The following AXDND1 variants were observed in gnomAD, a reference collection of about 807,000 sequenced individuals.
AXDND1 encodes axonemal dynein light chain domain-containing protein 1.
AXDND1 carries 110 observed loss-of-function variants against 137.5 expected under a neutral mutation model. That is an observed-to-expected ratio of 0.80 (90% CI 0.69 to 0.94). AXDND1 has a LOEUF of 0.94. Ranked by LOEUF, AXDND1 falls within the 40% of genes least tolerant of loss-of-function variation. AXDND1 has a pLI of 0.00. For missense variants in AXDND1, 1,191 were observed against 1,169.8 expected, an observed-to-expected ratio of 1.02 and a Z score of -0.26; for synonymous variants, 414 against 399.7, an observed-to-expected ratio of 1.04 and a Z score of -0.43.
intron 11 of AXDND1, among the ~76,000 whole-genome samples, chr1:179,395,660 A>C (rs977134829): frequency 6.6e-6 from 1 of 152,198 alleles, no homozygotes; most frequent in Non-Finnish European, 1.5e-5. Flanking sequence ...AGCACTTAGA[A>C]TGGTGCTTGG....
chr1:179,457,236 T>A, intron 16 of AXDND1: 4 of 718,086 alleles, frequency 5.6e-6, no homozygotes, highest in Non-Finnish European at 1.0e-5. Context: ...TTGCTCAAAA[T>A]GGCTTCTCAG....
intron 2 of AXDND1, 62 bp downstream of exon 2, chr1:179,366,668 A>C: frequency 9.3e-6 from 13 of 1,401,650 alleles, no homozygotes; most frequent in Non-Finnish European, 1.2e-5. Context: ...ATCACCTTCC[A>C]TTCACCGGTT....
At chr1:179,450,682 G>C (rs918132331) in intron 16 of AXDND1, 4 of 152,070 alleles carry the variant, frequency 2.6e-5, no homozygotes, top group Admixed American at 6.5e-5. Context: ...ATCCTACTTC[G>C]GGCTGGGAGT....
At chr1:179,478,934 C>G (rs1664973394) in intron 17 of AXDND1, among the ~76,000 whole-genome samples, 1 of 151,546 alleles carries the variant, frequency 6.6e-6, no homozygotes, top group Non-Finnish European at 1.5e-5. Flanking sequence ...AACTCAATCT[C>G]TACTAAAAAT....
At chr1:179,416,350 G>T (rs1654706470) in intron 12 of AXDND1, among the ~76,000 whole-genome samples, 1 of 152,136 alleles carries the variant, frequency 6.6e-6, no homozygotes, top group African/African-American at 2.4e-5. Context: ...GGGCACTTAG[G>T]TTGATTGCAT....
At chr1:179,447,446 T>C in intron 16 of AXDND1, 2 of 415,812 alleles carry the variant, frequency 4.8e-6, no homozygotes, top group Admixed American at 4.0e-5. Context: ...TTTAAGATAG[T>C]GTTGTCCCTT....
At position 179,533,867 on chromosome 1, in the gene AXDND1, G is replaced by A. The variant is rs1309280709; in HGVS notation, c.2788G>A (p.Glu930Lys). The change falls in exon 24 of 26, where the codon GAG (glutamate) becomes AAG (lysine). Residue 930 changes from glutamate to lysine, a missense_variant. Physicochemically the swap from Glu to Lys is moderately conservative, Grantham distance 56. Coordinates refer to ENST00000367618, the MANE Select transcript of AXDND1 (RefSeq NM_144696.6). Reference protein sequence around the residue: ...EAMAVIEHMQEKLLEVENRAR... With the variant: ...EAMAVIEHMQKKLLEVENRAR... ...AATGGCTGTAATTGAACATATGCAG[G>A]AGAAGTTACTGTAAGTATGAGTCAA... 4 of 1,612,668 alleles carry A rather than the reference G, an allele frequency of 2.5e-6. No homozygotes were observed. Among genetic ancestry groups the A allele is most frequent in the Admixed American group, 1.7e-5 (1 of 59,980 alleles).
intron 9 of AXDND1, among the ~76,000 whole-genome samples, chr1:179,393,558 G>A (rs189783624): frequency 6.6e-6 from 1 of 152,072 alleles, no homozygotes; most frequent in Non-Finnish European, 1.5e-5. Flanking sequence ...ATTGAGTTTG[G>A]CAGTATGGTC....
intron 18 of AXDND1, among the ~76,000 whole-genome samples, chr1:179,488,016 G>GAA (rs1666281479): frequency 4.2e-5 from 4 of 94,710 alleles, no homozygotes; most frequent in Non-Finnish European, 6.7e-5. Context: ...AAAAAAAAAA[G>GAA]AGAAATTTCA....
At position 179,486,139 on chromosome 1, in the gene AXDND1, A is replaced by ACAAAAAACAAAAAACT. The variant is rs1553291079; in HGVS notation, c.2091+2918_2091+2919insCAAAAAACAAAAAACT. On this transcript the variant is annotated intron_variant, in intron 18 of 25. Coordinates refer to ENST00000367618, the MANE Select transcript of AXDND1 (RefSeq NM_144696.6). ...TGTCTCAAAAAAAAAAAAAAAAAAA[A>ACAAAAAACAAAAAACT]AACCTGATAGAAATGAAAAACACAC... Among the ~76,000 whole-genome samples, 18 of 87,770 alleles carry ACAAAAAACAAAAAACT rather than the reference A, an allele frequency of 2.1e-4. 1 individual carries two copies. Among genetic ancestry groups the ACAAAAAACAAAAAACT allele is most frequent in the Non-Finnish European group, 3.0e-4 (13 of 43,310 alleles). The allele number at this position is 87,770 out of a possible 152,430, so 57.6% of individuals were successfully genotyped here. A position where few individuals can be genotyped will look rare whatever the true frequency, so the allele number is the denominator to read the frequency against.
chr1:179,497,404 C>T (rs985141549), intron 20 of AXDND1, among the ~76,000 whole-genome samples: 5 of 152,042 alleles, frequency 3.3e-5, no homozygotes, highest in Admixed American at 6.6e-5. Context: ...AAATTACTCT[C>T]TTAACACTGC....
chr1:179,516,363 C>CG (rs1485663644), intron 21 of AXDND1, among the ~76,000 whole-genome samples: 2 of 152,080 alleles, frequency 1.3e-5, no homozygotes, highest in African/African-American at 4.8e-5. Flanking sequence ...CTTCTTGTAT[C>CG]ATTTTTTTGG....
chr1:179,392,632 C>T (rs1368496528), intron 9 of AXDND1, among the ~76,000 whole-genome samples: 1 of 152,134 alleles, frequency 6.6e-6, no homozygotes, highest in Non-Finnish European at 1.5e-5. Context: ...TCCAAGCTGA[C>T]ATTTATTTTT....
chr1:179,502,323 G>A (rs913111701), intron 20 of AXDND1, among the ~76,000 whole-genome samples: 1 of 152,164 alleles, frequency 6.6e-6, no homozygotes, highest in African/African-American at 2.4e-5. Context: ...TCAGCACTTT[G>A]GGAGGCCGAG....
At chr1:179,400,419 G>C (rs1440386685) in intron 11 of AXDND1, among the ~76,000 whole-genome samples, 2 of 151,972 alleles carry the variant, frequency 1.3e-5, no homozygotes, top group East Asian at 3.9e-4. Flanking sequence ...GGGGACTTGG[G>C]GGAAAGAGTG....
chr1:179,423,496 A>G (rs1656081772), intron 12 of AXDND1, among the ~76,000 whole-genome samples: 1 of 152,056 alleles, frequency 6.6e-6, no homozygotes, highest in Admixed American at 6.6e-5. Context: ...ATCTTGTTTT[A>G]TAACTCCTCT....
chr1:179,401,017 G>A (rs190367346), intron 11 of AXDND1, among the ~76,000 whole-genome samples: 6 of 151,714 alleles, frequency 4.0e-5, no homozygotes, highest in Non-Finnish European at 7.4e-5. Flanking sequence ...CCAGCACTTT[G>A]GGAGGTCAAA....
intron 25 of AXDND1, among the ~76,000 whole-genome samples, chr1:179,546,700 G>A (rs1672683981): frequency 6.6e-6 from 1 of 152,182 alleles, no homozygotes. Context: ...AGTGGCGACA[G>A]GTTCCATGTC....
Position 179,370,086 on chromosome 1 carries a change from A to C in AXDND1, c.374+8A>C. ...CCTCACAGGAGCTGGAAGGTAAAGA[A>C]GGAAGATAGTAGGATAGATGCTGAT... On this transcript the variant is annotated splice_region_variant and intron_variant, in intron 4 of 25. Transcript: ENST00000367618. The C allele has an allele frequency of 6.3e-7, 1 of 1,591,974 alleles. No homozygotes were observed. The highest frequency in any genetic ancestry group is 1.3e-5 in the African/African-American group (1 of 74,580).
Sources: allele counts gnomAD v4.1 joint callset (sites outside exome capture counted in the v4.1 genomes callset), GRCh38; gene constraint gnomAD v4.1.1; transcripts MANE v1.5; gene names NCBI Gene and HGNC (gene_info 2026-07-23, HGNC 2026-07-21).